The following SHC4 variants were observed in gnomAD, a reference collection of about 807,000 sequenced individuals.
SHC4 encodes the protein SHC-transforming protein 4.
Under a neutral mutation model 69.4 loss-of-function variants are expected in SHC4, and 41 were observed. That is an observed-to-expected ratio of 0.59 (90% CI 0.46 to 0.77). The LOEUF (loss-of-function observed/expected upper bound fraction) is 0.77, where lower values mean the gene tolerates loss of function less well. Among genes scored for constraint, SHC4 ranks in the 30% least tolerant of loss-of-function variants. The pLI is 0.00. For missense variants in SHC4, 777 were observed against 783.8 expected (o/e 0.99, Z 0.10); for synonymous variants, 318 against 299.3 (o/e 1.06, Z -0.64).
intron 3 of SHC4, among the ~76,000 whole-genome samples, chr15:48,887,251 C>T (rs1226197671): frequency 1.3e-5 from 2 of 152,132 alleles, no homozygotes; most frequent in Non-Finnish European, 2.9e-5. Context: ...TTGGCTCCCT[C>T]CCCCCAGGGC....
At chr15:48,944,701 T>A (rs748836253) in intron 1 of SHC4, among the ~76,000 whole-genome samples, 5 of 152,186 alleles carry the variant, frequency 3.3e-5, no homozygotes, top group Non-Finnish European at 7.4e-5. Flanking sequence ...ATAAGGGGGA[T>A]CTTTTAAACT....
At chr15:48,847,809 C>T (rs1484734880) in intron 9 of SHC4, among the ~76,000 whole-genome samples, 2 of 152,000 alleles carry the variant, frequency 1.3e-5, no homozygotes, top group Admixed American at 1.3e-4. Flanking sequence ...TCGAGACCAA[C>T]CTGACCAACA....
At chr15:48,930,728 A>G (rs1900949062) in intron 1 of SHC4, among the ~76,000 whole-genome samples, 1 of 152,224 alleles carries the variant, frequency 6.6e-6, no homozygotes, top group South Asian at 2.1e-4. Context: ...TTCATGCAAT[A>G]AATGTTCAAC....
In SHC4 at chr15:48,848,122, A is replaced by T. The variant is rs191897561; in HGVS notation, c.1303+3066T>A. On this transcript the variant is annotated intron_variant, in intron 9 of 11. Transcript: ENST00000332408. ...TATAGGTGCCTAGGGATGAAAGGAC[A>T]CTAGTAGGAAACTCTCTCCTGCCAC... is the stretch of plus-strand genomic sequence containing the variant. Among the ~76,000 whole-genome samples the T allele has an allele frequency of 3.1e-4, 47 of 152,256 alleles. 1 individual carries two copies. Among genetic ancestry groups the T allele is most frequent in the African/African-American group, 1.1e-3 (45 of 41,568 alleles).
intron 2 of SHC4, among the ~76,000 whole-genome samples, chr15:48,895,654 G>T (rs923059071): frequency 1.3e-5 from 2 of 152,044 alleles, no homozygotes; most frequent in Admixed American, 6.5e-5. Context: ...ACATATGAGT[G>T]TGCACTCACA....
rs771522544 is a variant in SHC4, at chr15:48,834,958, G to A, written c.1548C>T (p.His516=). 2 of 1,613,346 alleles carry A rather than the reference G, an allele frequency of 1.2e-6. No homozygotes were observed. Among genetic ancestry groups the A allele is most frequent in the Admixed American group, 1.7e-5 (1 of 59,910 alleles). ...CTTCGCTCCACAGCTGCTGCTTAAT[G>A]TGTGGCAAAGAATGTGAGCTGGCAG... ...AQPASSHSLP[H]IKQQLWSEEC... Residue 516 remains histidine (H), a synonymous_variant, in exon 11 of 12, where the codon CAC becomes CAT. Coordinates refer to ENST00000332408, the MANE Select transcript of SHC4 (RefSeq NM_203349.4).
intron 1 of SHC4, among the ~76,000 whole-genome samples, chr15:48,957,518 A>C (rs1185862992): frequency 6.6e-6 from 1 of 152,220 alleles, no homozygotes; most frequent in African/African-American, 2.4e-5. Flanking sequence ...GATACCTTAG[A>C]CAGGAGAAGA....
chr15:48,934,150 T>G (rs990343038), intron 1 of SHC4, among the ~76,000 whole-genome samples: 3 of 152,020 alleles, frequency 2.0e-5, no homozygotes, highest in Non-Finnish European at 4.4e-5. Flanking sequence ...AAAAAACCAC[T>G]CAGAGAATGG....
At chr15:48,826,216 C>A (rs990542527) in intron 11 of SHC4, 90 bp from the exon 12 acceptor site, 1 of 1,244,988 alleles carries the variant, frequency 8.0e-7, no homozygotes. Flanking sequence ...CCAGATATAT[C>A]CCTAAAGTAG....
intron 9 of SHC4, among the ~76,000 whole-genome samples, chr15:48,849,295 G>A (rs760385869): frequency 6.6e-6 from 1 of 151,970 alleles, no homozygotes; most frequent in Non-Finnish European, 1.5e-5. Flanking sequence ...CTCTGTGCCT[G>A]GATAATTCCC....
intron 1 of SHC4, chr15:48,946,559 C>G: frequency 1.0e-6 from 1 of 982,602 alleles, no homozygotes; most frequent in Non-Finnish European, 1.2e-6. Flanking sequence ...CGGATTCTTA[C>G]ATTTTCTGAA....
At position 48,962,518 on chromosome 15, in the gene SHC4, A is replaced by T. The variant is rs752757326; in HGVS notation, c.498T>A (p.Pro166=). ...TALTPDSCPL[P]GPGEPTLRSR... is the part of the protein sequence containing the mutation. ...TCCTAAGTGTTGGCTCCCCAGGGCC[A>T]GGAAGCGGGCACGAATCAGGGGTTA... Residue 166 remains proline, a synonymous_variant, in exon 1 of 12, where the codon CCT becomes CCA. Coordinates refer to ENST00000332408, the MANE Select transcript of SHC4 (RefSeq NM_203349.4). 1.9e-6 allele frequency: 3 copies of T among 1,584,946 alleles called. No homozygotes were observed. Among genetic ancestry groups the T allele is most frequent in the East Asian group, 2.2e-5 (1 of 44,608 alleles).
intron 1 of SHC4, among the ~76,000 whole-genome samples, chr15:48,942,412 C>G (rs544888524): frequency 6.6e-6 from 1 of 151,994 alleles, no homozygotes; most frequent in Non-Finnish European, 1.5e-5. Context: ...ACTTAAATAA[C>G]CAACACCTTC....
intron 2 of SHC4, among the ~76,000 whole-genome samples, chr15:48,891,702 A>T (rs771488364): frequency 1.2e-4 from 18 of 152,326 alleles, no homozygotes; most frequent in South Asian, 2.1e-4. Context: ...ATATTCTCTC[A>T]CACACACACC....
intron 2 of SHC4, among the ~76,000 whole-genome samples, chr15:48,907,776 A>G (rs1189024454): frequency 1.3e-5 from 2 of 150,920 alleles, no homozygotes; most frequent in Non-Finnish European, 2.9e-5. Context: ...TCCATCATAT[A>G]TATATATATA....
rs1242270923 is a variant in SHC4, at chr15:48,872,115, T to G, written c.868A>C (p.Ile290Leu). Residue 290 changes from isoleucine to leucine, a missense_variant, in exon 5 of 12, where the codon ATT becomes CTT. Physicochemically the swap from Ile to Leu is conservative, Grantham distance 5. Coordinates refer to ENST00000332408, the MANE Select transcript of SHC4 (RefSeq NM_203349.4). ...GGATCCCCTCCAGAGGCAAATGAAA[T>G]AGACTGCATATGATGATTTGCAATA... ...QIIANHHMQSISFASGGDPDT... is the reference protein window; with the variant it reads ...QIIANHHMQSLSFASGGDPDT... 2 of 1,593,432 alleles carry G rather than the reference T, an allele frequency of 1.3e-6. No homozygotes were observed. Among genetic ancestry groups the G allele is most frequent in the Non-Finnish European group, 1.7e-6 (2 of 1,166,462 alleles).
intron 11 of SHC4, among the ~76,000 whole-genome samples, chr15:48,830,621 CA>C (rs1433784920): frequency 6.6e-6 from 1 of 152,108 alleles, no homozygotes; most frequent in Non-Finnish European, 1.5e-5. Context: ...AAGAACCCCC[CA>C]AAAAATTAAC....
chr15:48,956,485 T>C (rs1901455945), intron 1 of SHC4, among the ~76,000 whole-genome samples: 2 of 152,278 alleles, frequency 1.3e-5, no homozygotes, highest in South Asian at 4.1e-4. Flanking sequence ...GTCCTCCTGT[T>C]GGACACCAAG....
intron 4 of SHC4, chr15:48,877,930 A>T: frequency 2.2e-6 from 1 of 455,264 alleles, no homozygotes; most frequent in Non-Finnish European, 3.9e-6. Flanking sequence ...ACGCTCTTGC[A>T]TGCAGGGTCC....
Sources: gnomAD v4.1 joint callset for allele counts (sites outside exome capture counted in the v4.1 genomes callset) on GRCh38, gnomAD v4.1.1 for gene constraint, MANE v1.5 for transcripts, NCBI Gene and HGNC (gene_info 2026-07-23, HGNC 2026-07-21) for gene names.